Variants in PPP1R21 observed in about 807,000 individuals in gnomAD.
The protein encoded by PPP1R21 is protein phosphatase 1 regulatory subunit 21.
In PPP1R21, 85 loss-of-function variants were observed where a neutral mutation model predicts 112.8. The observed-to-expected ratio is 0.75, with a 90% CI of 0.63 to 0.90. PPP1R21 has a LOEUF of 0.90. Ranked by LOEUF, PPP1R21 falls within the 40% of genes least tolerant of loss-of-function variation. The pLI is 0.00. For synonymous variants in PPP1R21, 381 were observed against 322.3 expected (o/e 1.18, Z -1.95); for missense variants, 1,199 against 901.5 (o/e 1.33, Z -4.23).
rs1235067882 is a variant in PPP1R21 at position 48,468,702 on chromosome 2, C to A, written c.898-2385C>A. The stretch of plus-strand genomic sequence containing the variant: ...TGGTGGCTTGTACCTGTAGTCCCAG[C>A]TACTTGGTGGGCTGAGGTGGGAGGA... On this transcript the variant is annotated intron_variant, in intron 9 of 21. Transcript: ENST00000294952. 2.6e-5 allele frequency among the ~76,000 whole-genome samples: 4 copies of A among 151,920 alleles called. No homozygotes were observed. The East Asian group carries it at 7.8e-4, about 29-fold the overall frequency.
intron 6 of PPP1R21, 136 bp from the exon 7 acceptor site, chr2:48,461,002 A>C: frequency 7.2e-7 from 1 of 1,381,996 alleles, no homozygotes; most frequent in Non-Finnish European, 9.4e-7. Flanking sequence ...TCTTTTAACA[A>C]CTCTCTGCCA....
chr2:48,474,675 A>G lies in PPP1R21; in HGVS notation c.1089-8A>G, dbSNP rs765165169. ...ATGCTCACTTCTTAAAAATCTGCCT[A>G]TTCCTAGTTTAGAAGAAGAATGTGA... On this transcript the variant is annotated splice_region_variant and splice_polypyrimidine_tract_variant and intron_variant, in intron 11 of 21. Transcript: ENST00000294952. 2 of 1,597,482 alleles carry G rather than the reference A, an allele frequency of 1.3e-6. No individual in the cohort carries two copies. The highest frequency in any genetic ancestry group is 2.3e-5 in the East Asian group (1 of 44,194).
chr2:48,467,424 T>C (rs1160025883), intron 9 of PPP1R21, among the ~76,000 whole-genome samples: 3 of 152,208 alleles, frequency 2.0e-5, no homozygotes, highest in African/African-American at 4.8e-5. Flanking sequence ...ACAACAAACA[T>C]TTACTATCTC....
At chr2:48,496,963 C>T (rs1388867720) in intron 16 of PPP1R21, among the ~76,000 whole-genome samples, 2 of 152,206 alleles carry the variant, frequency 1.3e-5, no homozygotes, top group Non-Finnish European at 2.9e-5. Context: ...CACTCTAAAT[C>T]TCTTCATCTG....
chr2:48,500,561 A>T (rs1369325554), intron 17 of PPP1R21, among the ~76,000 whole-genome samples: 4 of 152,192 alleles, frequency 2.6e-5, no homozygotes, highest in Non-Finnish European at 4.4e-5. Flanking sequence ...ATAAAAATAA[A>T]ACCTAAAAAC....
At chr2:48,485,778 G>T (rs1001090977) in intron 13 of PPP1R21, among the ~76,000 whole-genome samples, 1 of 150,540 alleles carries the variant, frequency 6.6e-6, no homozygotes, top group Non-Finnish European at 1.5e-5. Context: ...AAAATTTCTT[G>T]ATTCTAAATT....
In PPP1R21 at chr2:48,471,103, A is replaced by C; in HGVS notation, c.914A>C (p.His305Pro). 6.2e-7 allele frequency: 1 copy of C among 1,610,506 alleles called. No individual in the cohort carries two copies. Among genetic ancestry groups the C allele is most frequent in the Non-Finnish European group, 8.5e-7 (1 of 1,176,754 alleles). ...CCTGTTTAGTTCTCACAATACCTTC[A>C]TGAAAATGCGTCCTATGTCCGCCCT... ...PLNQKFSQYL[H>P]ENASYVRPLE... Residue 305 changes from histidine to proline, a missense_variant, in exon 10 of 22, where the codon CAT (histidine) becomes CCT (proline). His to Pro is a moderately conservative substitution (Grantham distance 77). Coordinates refer to ENST00000294952, the MANE Select transcript of PPP1R21 (RefSeq NM_001135629.3).
At chr2:48,468,078 C>G (rs572174891) in intron 9 of PPP1R21, among the ~76,000 whole-genome samples, 1 of 152,286 alleles carries the variant, frequency 6.6e-6, no homozygotes, top group Non-Finnish European at 1.5e-5. Flanking sequence ...TCCTGGGTTC[C>G]CAGTCCATTT....
rs755505769 is a variant in PPP1R21, at chr2:48,474,826, A to G, written c.1225+7A>G. On this transcript the variant is annotated splice_region_variant and intron_variant, in intron 12 of 21. Coordinates refer to ENST00000294952, the MANE Select transcript of PPP1R21 (RefSeq NM_001135629.3). ...GCTCTTCTTGCCTTGCCAAGTAAGTATGTTTGTTGCTTAGGGGTCAACTTC... is the reference window on the plus strand; with the variant it reads ...GCTCTTCTTGCCTTGCCAAGTAAGTGTGTTTGTTGCTTAGGGGTCAACTTC... The G allele has an allele frequency of 7.4e-6, 12 of 1,610,950 alleles. No individual in the cohort carries two copies.
intron 4 of PPP1R21, among the ~76,000 whole-genome samples, chr2:48,459,368 T>G (rs771414104): frequency 1.2e-4 from 18 of 152,236 alleles, no homozygotes; most frequent in Non-Finnish European, 2.1e-4. Flanking sequence ...AAAGTTAGCT[T>G]AGTAGAAAAG....
intron 9 of PPP1R21, among the ~76,000 whole-genome samples, chr2:48,469,535 T>TAGAGCATATATATATATATAGAGAGAG (rs869242046): frequency 1.4e-5 from 1 of 73,232 alleles, no homozygotes; most frequent in Non-Finnish European, 2.6e-5. Flanking sequence ...TATATATATA[T>TAGAGCATATATATATATATAGAGAGAG]AGAGCATATA....
chr2:48,457,804 C>A (rs1249681930), intron 3 of PPP1R21, among the ~76,000 whole-genome samples: 1 of 152,176 alleles, frequency 6.6e-6, no homozygotes, highest in East Asian at 1.9e-4. Context: ...TATTTATGAG[C>A]TTATTTTATA....
chr2:48,444,381 A>C (rs1175895118), intron 1 of PPP1R21, among the ~76,000 whole-genome samples: 4 of 152,228 alleles, frequency 2.6e-5, no homozygotes, highest in Non-Finnish European at 4.4e-5. Flanking sequence ...TCAAGACCTC[A>C]GTTGCTACAT....
intron 17 of PPP1R21, among the ~76,000 whole-genome samples, chr2:48,502,842 G>A (rs1572894310): frequency 6.6e-6 from 1 of 151,758 alleles, no homozygotes; most frequent in East Asian, 1.9e-4. Flanking sequence ...CACCATGCCC[G>A]GCTAATTTTT....
At chr2:48,495,965 G>A (rs114479038) in intron 16 of PPP1R21, among the ~76,000 whole-genome samples, 194 bp downstream of exon 16, 2,534 of 152,340 alleles carry the variant, frequency 0.017, 33 homozygotes, top group South Asian at 0.044. Flanking sequence ...AAGTCATCTT[G>A]ATTCAGTTGG....
At chr2:48,452,453 A>G in intron 2 of PPP1R21, among the ~76,000 whole-genome samples, 1 of 152,070 alleles carries the variant, frequency 6.6e-6, no homozygotes, top group East Asian at 1.9e-4. Context: ...GTTTTCTGAA[A>G]TTAATGATTG....
rs1669955347 is a variant in PPP1R21, at chr2:48,498,569, A to G, written c.1769A>G (p.Lys590Arg). Residue 590 changes from lysine (K) to arginine (R), a missense_variant, in exon 17 of 22, where the codon AAA becomes AGA. Transcript: ENST00000294952. Reference sequence around the variant, plus strand: ...TGGATGTTGGAAGCACAATTAGCCAAAATCAAGCTAGAGAAAGAAAACCAG... The same window carrying G: ...TGGATGTTGGAAGCACAATTAGCCAGAATCAAGCTAGAGAAAGAAAACCAG... ...EHWMLEAQLA[K>R]IKLEKENQRI... 3 of 1,614,256 alleles carry G rather than the reference A, an allele frequency of 1.9e-6. No homozygotes were observed. The highest frequency in any genetic ancestry group is 2.5e-6 in the Non-Finnish European group (3 of 1,180,038).
intron 15 of PPP1R21, among the ~76,000 whole-genome samples, chr2:48,493,980 G>C (rs779721013): frequency 1.1e-4 from 16 of 150,444 alleles, no homozygotes; most frequent in Non-Finnish European, 2.1e-4. Flanking sequence ...CCGACACTTT[G>C]GGATGCCAGG....
intron 6 of PPP1R21, among the ~76,000 whole-genome samples, chr2:48,460,924 A>G (rs185361616): frequency 2.0e-5 from 3 of 152,304 alleles, no homozygotes; most frequent in East Asian, 1.9e-4. Flanking sequence ...AATTCCTCCA[A>G]ACTTCCACAT....
Sources: allele counts gnomAD v4.1 joint callset (sites outside exome capture counted in the v4.1 genomes callset), GRCh38; gene constraint gnomAD v4.1.1; transcripts MANE v1.5; gene names NCBI Gene and HGNC (gene_info 2026-07-23, HGNC 2026-07-21).